ARHGAP8: variants seen among roughly 807,000 people sequenced by gnomAD.
ARHGAP8 encodes rho GTPase-activating protein 8.
In ARHGAP8, 62 loss-of-function variants were observed where a neutral mutation model predicts 46.1. The observed-to-expected ratio is 1.34, with a 90% CI of 1.10 to 1.66. The LOEUF (loss-of-function observed/expected upper bound fraction) is 1.66. ARHGAP8 is among the 40% of genes most tolerant of loss of function. The pLI, the probability that ARHGAP8 is intolerant of heterozygous loss-of-function variation, is 0.00. For missense variants in ARHGAP8, 923 were observed against 568.4 expected, an observed-to-expected ratio of 1.62 and a Z score of -6.34; for synonymous variants, 375 against 243.1, an observed-to-expected ratio of 1.54 and a Z score of -5.05.
At chr22:44,783,681 C>A (rs1023886779) in intron 1 of ARHGAP8, among the ~76,000 whole-genome samples, 1 of 152,234 alleles carries the variant, frequency 6.6e-6, no homozygotes, top group East Asian at 1.9e-4. Context: ...GTCCCCACCC[C>A]GTCAGCGGCA....
At chr22:44,827,335 G>GTTTTT (rs1569165898) in intron 7 of ARHGAP8, among the ~76,000 whole-genome samples, 4 of 41,712 alleles carry the variant, frequency 9.6e-5, no homozygotes, top group Admixed American at 3.3e-4. Flanking sequence ...TTTGGGTGGT[G>GTTTTT]GTTTTTTTTT....
chr22:44,754,885 C>A (rs890733328), intron 1 of ARHGAP8, among the ~76,000 whole-genome samples: 1 of 152,254 alleles, frequency 6.6e-6, no homozygotes, highest in East Asian at 1.9e-4. Context: ...ATTTTACCCT[C>A]ATTTCACTGA....
At chr22:44,829,343 C>T (rs986861640) in intron 7 of ARHGAP8, among the ~76,000 whole-genome samples, 6 of 152,064 alleles carry the variant, frequency 3.9e-5, no homozygotes, top group Admixed American at 1.3e-4. Flanking sequence ...TCACAGACTT[C>T]GAAAGCCGTC....
chr22:44,844,693 G>T (rs1039616929), intron 7 of ARHGAP8, among the ~76,000 whole-genome samples: 1 of 152,092 alleles, frequency 6.6e-6, no homozygotes, highest in African/African-American at 2.4e-5. Flanking sequence ...GAACTCCTGG[G>T]CTCAAGTGAT....
At chr22:44,780,417 T>G (rs1379625023) in intron 1 of ARHGAP8, among the ~76,000 whole-genome samples, 3 of 151,958 alleles carry the variant, frequency 2.0e-5, no homozygotes, top group Non-Finnish European at 2.9e-5. Context: ...TCCCTGCACC[T>G]TGGGATGCCA....
rs959134778 is a variant in ARHGAP8, at chr22:44,786,851, C to CA, written c.79+253dup. Among the ~76,000 whole-genome samples, 15 of 151,446 alleles carry CA rather than the reference C, an allele frequency of 9.9e-5. No individual in the cohort carries two copies. In the South Asian group the frequency reaches 2.1e-3, roughly 21 times the overall value. On this transcript the variant is annotated intron_variant, in intron 2 of 11. Transcript: ENST00000356099. ...GCAATGTAGTGAGACCCCATCTCTACAAAAAAAATACAAAAATCAGCCGAG... is the reference window on the plus strand; with the variant it reads ...GCAATGTAGTGAGACCCCATCTCTACAAAAAAAAATACAAAAATCAGCCGAG...
chr22:44,754,035 G>T (rs998658641), intron 1 of ARHGAP8, among the ~76,000 whole-genome samples: 3 of 152,194 alleles, frequency 2.0e-5, no homozygotes, highest in Admixed American at 2.0e-4. Flanking sequence ...GGGCGAAGAG[G>T]GACATGGGAT....
intron 1 of ARHGAP8, among the ~76,000 whole-genome samples, chr22:44,757,198 G>A (rs1398416191): frequency 6.6e-6 from 1 of 152,084 alleles, no homozygotes; most frequent in Non-Finnish European, 1.5e-5. Flanking sequence ...TTACAGGTGT[G>A]AGCCACTGTG....
In ARHGAP8 at chr22:44,783,236, G is replaced by A. The variant is rs571842069; in HGVS notation, c.-71-3221G>A. Among the ~76,000 whole-genome samples, 24 of 152,224 alleles carry A rather than the reference G, an allele frequency of 1.6e-4. No individual in the cohort carries two copies. The South Asian group carries it at 5.0e-3, about 32-fold the overall frequency. ...CATGGTCTGGCCTGGCTCTCCCATA[G>A]CCACGCTGACCTTGGAGGCCCTCCC... On this transcript the variant is annotated intron_variant, in intron 1 of 11. Coordinates refer to ENST00000356099, the MANE Select transcript of ARHGAP8 (RefSeq NM_181335.3).
At position 44,862,427 on chromosome 22, in the gene ARHGAP8, A is replaced by C; in HGVS notation, c.1134A>C (p.Glu378Asp). 1 of 1,614,092 alleles carries C rather than the reference A, an allele frequency of 6.2e-7. No individual in the cohort carries two copies. Among genetic ancestry groups the C allele is most frequent in the Non-Finnish European group, 8.5e-7 (1 of 1,179,994 alleles). Reference protein sequence around the residue: ...MFTELLIEYYEKIFSTPEAPG... With the variant: ...MFTELLIEYYDKIFSTPEAPG... Reference sequence around the variant, plus strand: ...CTGAACTGCTGATCGAGTACTATGAAAAGATCTTCAGCACCCCGGAGGCAC... The same window carrying C: ...CTGAACTGCTGATCGAGTACTATGACAAGATCTTCAGCACCCCGGAGGCAC... The change falls in exon 12 of 12, where the codon GAA (glutamate) becomes GAC (aspartate). Residue 378 changes from glutamate to aspartate, a missense_variant. Physicochemically the swap from Glu to Asp is conservative, Grantham distance 45. Transcript: ENST00000356099.
chr22:44,808,737 G>C (rs1929120842), intron 4 of ARHGAP8: 1 of 536,956 alleles, frequency 1.9e-6, no homozygotes, highest in South Asian at 1.5e-5. Flanking sequence ...GCCAAGGTGG[G>C]TGGATCACCT....
At chr22:44,798,227 C>T (rs1338092092) in intron 2 of ARHGAP8, among the ~76,000 whole-genome samples, 1 of 152,004 alleles carries the variant, frequency 6.6e-6, no homozygotes, top group Non-Finnish European at 1.5e-5. Flanking sequence ...CCACCCACCT[C>T]GGCCTCCCAA....
intron 4 of ARHGAP8, among the ~76,000 whole-genome samples, chr22:44,811,141 G>C (rs936982200): frequency 2.6e-5 from 4 of 152,238 alleles, no homozygotes; most frequent in Non-Finnish European, 5.9e-5. Context: ...TCTCGAGGGG[G>C]CTGCTGGTTC....
At chr22:44,797,218 T>G (rs1016045031) in intron 2 of ARHGAP8, among the ~76,000 whole-genome samples, 2 of 62,932 alleles carry the variant, frequency 3.2e-5, no homozygotes, top group Non-Finnish European at 5.0e-5. Context: ...GCTACTTGGC[T>G]TTTTTTTTTT....
chr22:44,755,370 C>A (rs886963149), intron 1 of ARHGAP8, among the ~76,000 whole-genome samples: 10 of 152,244 alleles, frequency 6.6e-5, no homozygotes, highest in African/African-American at 2.4e-4. Flanking sequence ...CCCTTCAAAT[C>A]TATGTGAAAT....
chr22:44,812,288 T>G (rs1164518746), intron 4 of ARHGAP8, among the ~76,000 whole-genome samples: 1 of 151,460 alleles, frequency 6.6e-6, no homozygotes, highest in Non-Finnish European at 1.5e-5. Flanking sequence ...TCTGGGCTCC[T>G]GGAGACTCTG....
chr22:44,784,476 G>A (rs1030310536), intron 1 of ARHGAP8, among the ~76,000 whole-genome samples: 2 of 152,238 alleles, frequency 1.3e-5, no homozygotes, highest in Non-Finnish European at 2.9e-5. Flanking sequence ...GGTATTATAA[G>A]TAATCTAGAG....
chr22:44,814,630 G>C (rs371513726), intron 4 of ARHGAP8, 42 bp from the exon 5 acceptor site: 13 of 1,587,520 alleles, frequency 8.2e-6, no homozygotes, highest in Non-Finnish European at 1.0e-5. Context: ...GGTGTTTCTC[G>C]GAGCGCGGCA....
Position 44,843,759 on chromosome 22 carries a change from A to T in ARHGAP8, c.597-1510A>T, listed in dbSNP as rs542190589. Among the ~76,000 whole-genome samples the T allele has an allele frequency of 1.2e-4, 18 of 150,798 alleles. No homozygotes were observed. In the East Asian group the frequency reaches 3.5e-3, roughly 29 times the overall value. On this transcript the variant is annotated intron_variant, in intron 7 of 11. Transcript: ENST00000356099. ...AGTATTGCTTGAGCCCAGGAGGTCA[A>T]GGCTGCAGCTAGCCAAGATCACACC...
Sources: allele counts gnomAD v4.1 joint callset (sites outside exome capture counted in the v4.1 genomes callset), GRCh38; gene constraint gnomAD v4.1.1; transcripts MANE v1.5; gene names NCBI Gene and HGNC (gene_info 2026-07-23, HGNC 2026-07-21).